The following STIM2 variants were observed in gnomAD, a reference collection of about 807,000 sequenced individuals.
STIM2 encodes stromal interaction molecule 2.
Under a neutral mutation model 85.8 loss-of-function variants are expected in STIM2, and 31 were observed. The observed-to-expected ratio is 0.36, with a 90% CI of 0.27 to 0.49. The LOEUF is 0.49. Among genes scored for constraint, STIM2 ranks in the 20% least tolerant of loss-of-function variants. The pLI, the probability that STIM2 is intolerant of heterozygous loss-of-function variation, is 0.98. For missense variants in STIM2, 841 were observed against 927.6 expected (o/e 0.91, Z 1.21); for synonymous variants, 356 against 331.1 (o/e 1.08, Z -0.82).
At chr4:26,861,634 A>G (rs1722202253) in intron 1 of STIM2, 2 of 339,210 alleles carry the variant, frequency 5.9e-6, no homozygotes, top group East Asian at 1.1e-4. Flanking sequence ...AAGCTGAGCA[A>G]TGCGGTGGTT....
chr4:27,004,689 G>A (rs935763266), intron 7 of STIM2, among the ~76,000 whole-genome samples: 5 of 152,132 alleles, frequency 3.3e-5, no homozygotes, highest in Non-Finnish European at 4.4e-5. Flanking sequence ...GCACACCTCA[G>A]TAGACCCCGA....
intron 2 of STIM2, among the ~76,000 whole-genome samples, chr4:26,940,220 T>C (rs1023389823): frequency 3.3e-5 from 5 of 152,294 alleles, no homozygotes; most frequent in African/African-American, 9.6e-5. Flanking sequence ...CTGCTTGGTT[T>C]TCCTTCTTCC....
chr4:26,862,225 A>AGT (rs1722240709), intron 1 of STIM2, among the ~76,000 whole-genome samples: 1 of 151,864 alleles, frequency 6.6e-6, no homozygotes, highest in Non-Finnish European at 1.5e-5. Context: ...TTCCGGTGTT[A>AGT]TGTACAACTG....
At chr4:26,885,871 ATATG>A (rs1553845055) in intron 1 of STIM2, among the ~76,000 whole-genome samples, 1 of 117,906 alleles carries the variant, frequency 8.5e-6, no homozygotes, top group African/African-American at 3.4e-5. Flanking sequence ...ATATATATAT[ATATG>A]TATATGTCTA....
intron 3 of STIM2, among the ~76,000 whole-genome samples, chr4:26,966,844 A>G (rs1009158863): frequency 5.9e-5 from 9 of 152,174 alleles, no homozygotes. Context: ...CTCTGCATAG[A>G]ATAGAACAAA....
At chr4:26,886,162 A>G (rs1318445751) in intron 1 of STIM2, among the ~76,000 whole-genome samples, 18 of 152,040 alleles carry the variant, frequency 1.2e-4, no homozygotes, top group Admixed American at 1.2e-3. Context: ...GAAGGATGCA[A>G]GGAGAACTAG....
At chr4:26,990,496 C>T (rs1727729897) in intron 3 of STIM2, among the ~76,000 whole-genome samples, 1 of 152,078 alleles carries the variant, frequency 6.6e-6, no homozygotes, top group African/African-American at 2.4e-5. Context: ...TATTAGAAAA[C>T]ATTGAGGAAA....
rs906909382 is a variant in STIM2, at chr4:26,927,916, T to G, written c.282+8282T>G. ...AAATATATATTAATATATTTCTTAG[T>G]CTGGTGCTGCTATAGCAGGGTACTA... On this transcript the variant is annotated intron_variant, in intron 2 of 11. Transcript: ENST00000467087. 9.1e-4 allele frequency among the ~76,000 whole-genome samples: 136 copies of G among 148,982 alleles called. 1 individual carries two copies. The highest frequency in any genetic ancestry group is 3.2e-3 in the African/African-American group (132 of 40,738).
At chr4:26,898,949 T>C (rs1478120780) in intron 1 of STIM2, among the ~76,000 whole-genome samples, 1 of 152,084 alleles carries the variant, frequency 6.6e-6, no homozygotes, top group Admixed American at 6.5e-5. Flanking sequence ...AATGACAGTT[T>C]TTTTTTTAAT....
intron 11 of STIM2, chr4:27,021,662 CT>C (rs1728916831): frequency 2.2e-6 from 1 of 456,198 alleles, no homozygotes; most frequent in African/African-American, 2.0e-5. Flanking sequence ...ACTTTAATGG[CT>C]GTGTAGAGAA....
intron 2 of STIM2, among the ~76,000 whole-genome samples, chr4:26,935,630 G>T (rs1359822178): frequency 1.3e-5 from 2 of 152,164 alleles, no homozygotes; most frequent in East Asian, 3.9e-4. Flanking sequence ...GCTTGGGGAT[G>T]GGACCTAGCA....
intron 11 of STIM2, 146 bp downstream of exon 11, chr4:27,018,130 A>G: frequency 8.4e-7 from 1 of 1,184,506 alleles, no homozygotes; most frequent in Non-Finnish European, 1.2e-6. Context: ...GACATCACCC[A>G]TTTTTTAGCT....
chr4:26,882,890 TGCA>T (rs1036668599), intron 1 of STIM2, among the ~76,000 whole-genome samples: 1 of 151,558 alleles, frequency 6.6e-6, no homozygotes, highest in Non-Finnish European at 1.5e-5. Flanking sequence ...CAGGCTGGAG[TGCA>T]GTGGCGCGAT....
intron 1 of STIM2, among the ~76,000 whole-genome samples, chr4:26,905,033 C>G (rs1724073426): frequency 6.6e-6 from 1 of 151,964 alleles, no homozygotes; most frequent in Non-Finnish European, 1.5e-5. Context: ...CTTCAAATAG[C>G]TTCATGAAAA....
At chr4:26,934,749 A>G (rs1725331325) in intron 2 of STIM2, among the ~76,000 whole-genome samples, 1 of 152,100 alleles carries the variant, frequency 6.6e-6, no homozygotes, top group East Asian at 1.9e-4. Context: ...CCCTGTCTCT[A>G]CACAAAATAC....
chr4:26,899,145 T>C (rs1447258749), intron 1 of STIM2, among the ~76,000 whole-genome samples: 1 of 152,068 alleles, frequency 6.6e-6, no homozygotes, highest in East Asian at 1.9e-4. Flanking sequence ...TATCAAGCAT[T>C]AATGTTTAAT....
intron 2 of STIM2, among the ~76,000 whole-genome samples, chr4:26,946,823 T>C (rs187516733): frequency 5.3e-5 from 8 of 152,328 alleles, no homozygotes; most frequent in Admixed American, 4.6e-4. Flanking sequence ...TCGCGGTCTC[T>C]TGTGTTATTT....
chr4:26,905,610 T>C (rs1577429125), intron 1 of STIM2, among the ~76,000 whole-genome samples: 1 of 152,206 alleles, frequency 6.6e-6, no homozygotes, highest in East Asian at 1.9e-4. Context: ...TTTCTTACAG[T>C]CTTGGTCGTG....
At chr4:26,930,425 T>C (rs1395924643) in intron 2 of STIM2, among the ~76,000 whole-genome samples, 2 of 152,010 alleles carry the variant, frequency 1.3e-5, no homozygotes, top group Admixed American at 1.3e-4. Flanking sequence ...TTTTTCTTTG[T>C]TTTTATTTAT....
Sources: gnomAD v4.1 joint callset for allele counts (sites outside exome capture counted in the v4.1 genomes callset) on GRCh38, gnomAD v4.1.1 for gene constraint, MANE v1.5 for transcripts, NCBI Gene and HGNC (gene_info 2026-07-23, HGNC 2026-07-21) for gene names.